The following SLCO3A1 variants were observed in gnomAD, a reference collection of about 807,000 sequenced individuals.
SLCO3A1 encodes PGE1 transporter.
In SLCO3A1, 27 loss-of-function variants were observed where a neutral mutation model predicts 63.1. That is an observed-to-expected ratio of 0.43 (90% CI 0.32 to 0.59). The LOEUF is 0.59. Among genes scored for constraint, SLCO3A1 ranks in the 20% least tolerant of loss-of-function variants. The pLI is 0.09. For synonymous variants in SLCO3A1, 473 were observed against 409.9 expected (o/e 1.15, Z -1.86); for missense variants, 773 against 945.8 (o/e 0.82, Z 2.40).
chr15:92,043,737 A>G (rs2151489593), intron 2 of SLCO3A1, among the ~76,000 whole-genome samples: 1 of 152,270 alleles, frequency 6.6e-6, no homozygotes, highest in Non-Finnish European at 1.5e-5. Flanking sequence ...AACCACTTTC[A>G]TAGATTGCAT....
rs1416143953 is a variant in SLCO3A1, at chr15:92,016,251, A to AGATAGATT, written c.647-78627_647-78626insAGATTGAT. On this transcript the variant is annotated intron_variant, in intron 2 of 9. Coordinates refer to ENST00000318445, the MANE Select transcript of SLCO3A1 (RefSeq NM_013272.4). ...TAGATAGATAGATAGATAGATAGAT[A>AGATAGATT]GATTAGATAGATAGATAGATAGATA... Among the ~76,000 whole-genome samples, 10 of 52,198 alleles carry AGATAGATT rather than the reference A, an allele frequency of 1.9e-4. No individual in the cohort carries two copies. In the East Asian group the frequency reaches 9.0e-3, roughly 47 times the overall value. 34.2% of individuals were successfully genotyped at this position (52,198 alleles called of 152,430 possible).
chr15:91,910,474 A>G (rs1228986456), intron 1 of SLCO3A1, among the ~76,000 whole-genome samples: 1 of 152,206 alleles, frequency 6.6e-6, no homozygotes, highest in African/African-American at 2.4e-5. Flanking sequence ...TTTGAAGTGA[A>G]GTCACAGAGC....
chr15:91,880,387 C>CTGTGTGTGTGTGTGTG (rs1202128572), intron 1 of SLCO3A1, among the ~76,000 whole-genome samples: 1 of 121,400 alleles, frequency 8.2e-6, no homozygotes, highest in African/African-American at 4.3e-5. Flanking sequence ...GTGCTTCTCT[C>CTGTGTGTGTGTGTGTG]TCTCTCTCTC....
chr15:91,981,921 T>C (rs1188691987), intron 2 of SLCO3A1, among the ~76,000 whole-genome samples: 1 of 152,270 alleles, frequency 6.6e-6, no homozygotes, highest in East Asian at 1.9e-4. Context: ...TCAAAGCAGC[T>C]GCTTGCTGGT....
intron 1 of SLCO3A1, among the ~76,000 whole-genome samples, chr15:91,893,390 A>G (rs542395077): frequency 3.3e-5 from 5 of 152,316 alleles, no homozygotes; most frequent in East Asian, 3.9e-4. Context: ...TCTCATAGTT[A>G]TGAAGGCTGG....
intron 2 of SLCO3A1, among the ~76,000 whole-genome samples, chr15:91,976,057 C>T (rs1312594114): frequency 6.6e-6 from 1 of 152,154 alleles, no homozygotes; most frequent in Non-Finnish European, 1.5e-5. Flanking sequence ...ATGTTAGATA[C>T]TCTGCAAATG....
In SLCO3A1 at chr15:91,954,223, C is replaced by A. The variant is rs1040564205; in HGVS notation, c.646+37765C>A. Among the ~76,000 whole-genome samples the A allele has an allele frequency of 6.6e-6, 1 of 152,194 alleles. No homozygotes were observed. ...CCCCTAGGGGTTTCTGAACCACGCACTGAGAATTCCATTGGATTAGAAGCT... is the reference window on the plus strand; with the variant it reads ...CCCCTAGGGGTTTCTGAACCACGCAATGAGAATTCCATTGGATTAGAAGCT... On this transcript the variant is annotated intron_variant, in intron 2 of 9. Coordinates refer to ENST00000318445, the MANE Select transcript of SLCO3A1 (RefSeq NM_013272.4). The surrounding 1 kb of genome is among the most constrained non-coding windows in gnomAD (Gnocchi z 4.7).
chr15:91,944,581 A>G (rs1899737206), intron 2 of SLCO3A1, among the ~76,000 whole-genome samples: 1 of 152,042 alleles, frequency 6.6e-6, no homozygotes, highest in South Asian at 2.1e-4. Context: ...TCAGCCATGG[A>G]CAAGCAGACA....
chr15:91,857,927 A>G (rs184818204), intron 1 of SLCO3A1, among the ~76,000 whole-genome samples: 49 of 152,274 alleles, frequency 3.2e-4, no homozygotes, highest in African/African-American at 1.2e-3. Flanking sequence ...AGGGGTAGGT[A>G]TTTCCCTATT....
At chr15:92,003,040 T>C (rs1417294704) in intron 2 of SLCO3A1, among the ~76,000 whole-genome samples, 1 of 152,192 alleles carries the variant, frequency 6.6e-6, no homozygotes, top group South Asian at 2.1e-4. Flanking sequence ...CACTCTTCCC[T>C]GCATTAAAAT....
rs545134429 is a variant in SLCO3A1, at chr15:92,016,260, A to T, written c.647-78621A>T. Among the ~76,000 whole-genome samples the T allele has an allele frequency of 4.1e-3, 515 of 126,886 alleles. 7 individuals are homozygous for T. Among genetic ancestry groups the T allele is most frequent in the African/African-American group, 0.016 (496 of 30,774 alleles). 83.2% of individuals were successfully genotyped at this position (126,886 alleles called of 152,430 possible). A position where few individuals can be genotyped will look rare whatever the true frequency, so the allele number is the denominator to read the frequency against. On this transcript the variant is annotated intron_variant, in intron 2 of 9. Coordinates refer to ENST00000318445, the MANE Select transcript of SLCO3A1 (RefSeq NM_013272.4). Reference sequence around the variant, plus strand: ...AGATAGATAGATAGATAGATTAGATAGATAGATAGATAGATAGATAGATGT... The same window carrying T: ...AGATAGATAGATAGATAGATTAGATTGATAGATAGATAGATAGATAGATGT...
rs1196182536 is a variant in SLCO3A1 at position 91,885,066 on chromosome 15, A to G, written c.181-30927A>G. Among the ~76,000 whole-genome samples, 1 of 152,138 alleles carries G rather than the reference A, an allele frequency of 6.6e-6. No homozygotes were observed. The highest frequency in any genetic ancestry group is 1.5e-5 in the Non-Finnish European group (1 of 68,022). Reference sequence around the variant, plus strand: ...CTCCAATTCTTGTTCCTTTAGAAGTAAAAAGCCTTTCCGTCCCATATAGGG... The same window carrying G: ...CTCCAATTCTTGTTCCTTTAGAAGTGAAAAGCCTTTCCGTCCCATATAGGG... On this transcript the variant is annotated intron_variant, in intron 1 of 9. Transcript: ENST00000318445. The surrounding 1 kb of genome is among the most constrained non-coding windows in gnomAD (Gnocchi z 4.7).
At chr15:92,143,273 A>T (rs1325440561) in intron 7 of SLCO3A1, among the ~76,000 whole-genome samples, 1 of 133,578 alleles carries the variant, frequency 7.5e-6, no homozygotes, top group Admixed American at 8.8e-5. Flanking sequence ...GGATGGTTGC[A>T]AGTAGTTTGA....
intron 2 of SLCO3A1, among the ~76,000 whole-genome samples, chr15:91,940,902 C>T (rs1899597754): frequency 6.6e-6 from 1 of 152,160 alleles, no homozygotes; most frequent in Non-Finnish European, 1.5e-5. Flanking sequence ...CCCTTGAGAA[C>T]ATTCCACTTG....
chr15:92,148,192 ACAGAGCAAGACT>A (rs1405214081), intron 8 of SLCO3A1, among the ~76,000 whole-genome samples: 3 of 152,214 alleles, frequency 2.0e-5, no homozygotes, highest in African/African-American at 7.2e-5. Flanking sequence ...TGGGTGACTG[ACAGAGCAAGACT>A]CTGTCTCAGA....
At chr15:91,975,164 A>G (rs1342164444) in intron 2 of SLCO3A1, among the ~76,000 whole-genome samples, 1 of 152,216 alleles carries the variant, frequency 6.6e-6, no homozygotes, top group Admixed American at 6.5e-5. Context: ...CCATTTAGGG[A>G]AGGCAGAGGA....
intron 2 of SLCO3A1, among the ~76,000 whole-genome samples, chr15:92,018,586 T>C (rs2151469134): frequency 6.6e-6 from 1 of 152,310 alleles, no homozygotes; most frequent in Admixed American, 6.5e-5. Flanking sequence ...ACCAGCCTCC[T>C]GGCAGCCTGA....
At chr15:92,136,629 ATTTCT>A (rs538317595) in intron 7 of SLCO3A1, among the ~76,000 whole-genome samples, 39 of 152,268 alleles carry the variant, frequency 2.6e-4, no homozygotes, top group South Asian at 1.5e-3. Context: ...TCTTTCATTG[ATTTCT>A]TTATTTTATA....
intron 2 of SLCO3A1, among the ~76,000 whole-genome samples, chr15:91,929,433 A>ATTGGTGCAAAT (rs1899144859): frequency 6.6e-6 from 1 of 152,196 alleles, no homozygotes; most frequent in Non-Finnish European, 1.5e-5. Context: ...AAATTGGGTG[A>ATTGGTGCAAAT]GGGACCACGT....
Sources: gnomAD v4.1 joint callset for allele counts (sites outside exome capture counted in the v4.1 genomes callset) on GRCh38, gnomAD v4.1.1 for gene constraint, Gnocchi (gnomAD v3.1) non-coding constraint, MANE v1.5 for transcripts, NCBI Gene and HGNC (gene_info 2026-07-23, HGNC 2026-07-21) for gene names.